The following KAZN variants were observed in gnomAD, a reference collection of about 807,000 sequenced individuals.
KAZN encodes the protein kazrin, periplakin interacting protein.
In KAZN, 40 loss-of-function variants were observed where a neutral mutation model predicts 87.4. That is an observed-to-expected ratio of 0.46 (90% CI 0.36 to 0.60). The LOEUF is 0.60. KAZN is among the 20% of genes least tolerant of loss of function. The pLI, the probability that KAZN is intolerant of heterozygous loss-of-function variation, is 0.00. For synonymous variants in KAZN, 466 were observed against 458.3 expected (o/e 1.02, Z -0.22); for missense variants, 898 against 1,073.9 (o/e 0.84, Z 2.29).
chr1:14,908,438 A>C (rs1572797343), intron 1 of KAZN, among the ~76,000 whole-genome samples: 1 of 152,184 alleles, frequency 6.6e-6, no homozygotes, highest in Admixed American at 6.5e-5. Context: ...GCTCCTCGGG[A>C]GGCTGAGGCA....
intron 2 of KAZN, among the ~76,000 whole-genome samples, chr1:14,526,464 T>C (rs1275603886): frequency 1.3e-5 from 2 of 152,104 alleles, no homozygotes; most frequent in African/African-American, 4.8e-5. Context: ...ATAAAACATT[T>C]CCCCATCCAT....
chr1:14,782,566 A>G (rs866960819), intron 1 of KAZN, among the ~76,000 whole-genome samples: 1 of 151,082 alleles, frequency 6.6e-6, no homozygotes, highest in African/African-American at 2.4e-5. Context: ...AAAAAAAAAA[A>G]AAAAAAAAAA....
intron 1 of KAZN, among the ~76,000 whole-genome samples, chr1:14,600,678 AAAAAAAAAAAGAC>A (rs1391227554): frequency 6.6e-6 from 1 of 151,272 alleles, no homozygotes; most frequent in Non-Finnish European, 1.5e-5. Flanking sequence ...AAAAAAAAAA[AAAAAAAAAAAGAC>A]AGACTGCAAG....
intron 2 of KAZN, among the ~76,000 whole-genome samples, chr1:14,494,941 C>T (rs1284600938): frequency 1.3e-5 from 2 of 152,070 alleles, no homozygotes; most frequent in African/African-American, 4.8e-5. Context: ...AGCTGACCCA[C>T]TAGAATGTGG....
At chr1:15,078,142 C>G (rs970883768) in intron 8 of KAZN, among the ~76,000 whole-genome samples, 1 of 152,044 alleles carries the variant, frequency 6.6e-6, no homozygotes, top group Admixed American at 6.6e-5. Flanking sequence ...GTGCTGGATG[C>G]GGTGGTTCAT....
At chr1:14,931,347 G>A (rs569494971) in intron 1 of KAZN, among the ~76,000 whole-genome samples, 28 of 152,266 alleles carry the variant, frequency 1.8e-4, no homozygotes, top group Admixed American at 1.8e-3. Flanking sequence ...GGAAGGCTGA[G>A]GAAGGAAAAT....
intron 1 of KAZN, among the ~76,000 whole-genome samples, chr1:13,976,750 G>A (rs1445134254): frequency 6.6e-6 from 1 of 151,914 alleles, no homozygotes; most frequent in African/African-American, 2.4e-5. Flanking sequence ...AGTGTGTATC[G>A]ATGCATCCAC....
chr1:14,515,589 T>C (rs1468667277), intron 2 of KAZN, among the ~76,000 whole-genome samples: 1 of 152,144 alleles, frequency 6.6e-6, no homozygotes, highest in Non-Finnish European at 1.5e-5. Context: ...CTCACTGAGC[T>C]CCAGGCCACT....
intron 1 of KAZN, among the ~76,000 whole-genome samples, chr1:14,736,490 T>TA (rs1491267683): frequency 8.5e-6 from 1 of 117,840 alleles, no homozygotes; most frequent in Non-Finnish European, 1.8e-5. Context: ...TTTTTTTTTT[T>TA]AGTAGAGACA....
chr1:14,639,499 A>T (rs1428845072), intron 1 of KAZN, among the ~76,000 whole-genome samples: 2 of 152,202 alleles, frequency 1.3e-5, no homozygotes, highest in Admixed American at 6.5e-5. Flanking sequence ...GACCATGGCC[A>T]TAGACCTGTT....
chr1:14,327,485 G>A (rs985679073), intron 2 of KAZN, among the ~76,000 whole-genome samples: 1 of 152,162 alleles, frequency 6.6e-6, no homozygotes, highest in Non-Finnish European at 1.5e-5. Flanking sequence ...TCCCTCGTCT[G>A]TTCTCCCTTG....
chr1:14,344,914 CTTCT>C (rs1425843792), intron 2 of KAZN, among the ~76,000 whole-genome samples: 1 of 149,888 alleles, frequency 6.7e-6, no homozygotes, highest in African/African-American at 2.5e-5. Flanking sequence ...GCCATCCCCT[CTTCT>C]TTTTTTTTTT....
chr1:14,137,735 T>C (rs1361047503), intron 1 of KAZN, among the ~76,000 whole-genome samples: 2 of 139,340 alleles, frequency 1.4e-5, no homozygotes, highest in Non-Finnish European at 3.1e-5. Context: ...TGAGACAGAG[T>C]TTTGCTCTTG....
rs1676766004 is a variant in KAZN at position 14,599,371 on chromosome 1, G to A, written c.226+148G>A. 38 of 850,160 alleles carry A rather than the reference G, an allele frequency of 4.5e-5. No individual in the cohort carries two copies. Among genetic ancestry groups the A allele is most frequent in the Non-Finnish European group, 5.7e-5 (37 of 643,794 alleles). The allele number at this position is 850,160 out of a possible 1,614,324, so 52.7% of individuals were successfully genotyped here. On this transcript the variant is annotated intron_variant, in intron 1 of 14. Transcript: ENST00000376030. This position sits in a 1 kb window ranked among gnomAD's most constrained non-coding sequence, Gnocchi z 4.4. The stretch of plus-strand genomic sequence containing the variant: ...CCCTTTCCGCCCGGCGGTGGCCACC[G>A]CTGCTCTCCGGCTGGGAGTTGCAGG...
At chr1:14,212,036 T>C (rs1646863698) in intron 2 of KAZN, among the ~76,000 whole-genome samples, 1 of 152,154 alleles carries the variant, frequency 6.6e-6, no homozygotes, top group Non-Finnish European at 1.5e-5. Context: ...TTTTCTCTTG[T>C]GTGTGAGGGC....
intron 8 of KAZN, among the ~76,000 whole-genome samples, chr1:15,091,580 G>A (rs1640535449): frequency 1.3e-5 from 2 of 152,192 alleles, no homozygotes; most frequent in Admixed American, 1.3e-4. Flanking sequence ...TCGATCTTCT[G>A]ACCTCGTGAT....
chr1:13,943,936 T>C (rs960894121), intron 1 of KAZN, among the ~76,000 whole-genome samples: 2 of 152,232 alleles, frequency 1.3e-5, no homozygotes, highest in African/African-American at 4.8e-5. Context: ...CTGGTCAGAA[T>C]GTAAAATGGT....
chr1:14,725,030 G>C (rs1210970963), intron 1 of KAZN, among the ~76,000 whole-genome samples: 5 of 152,204 alleles, frequency 3.3e-5, no homozygotes. Flanking sequence ...GTGAAAAATC[G>C]GTGTAAACAG....
intron 2 of KAZN, among the ~76,000 whole-genome samples, chr1:14,550,588 C>G (rs1194077941): frequency 6.6e-6 from 1 of 151,988 alleles, no homozygotes; most frequent in Admixed American, 6.6e-5. Flanking sequence ...TTTACTCTTC[C>G]TGCTCAAAGG....
Sources: allele counts gnomAD v4.1 joint callset (sites outside exome capture counted in the v4.1 genomes callset), GRCh38; gene constraint gnomAD v4.1.1; non-coding constraint Gnocchi (gnomAD v3.1); transcripts MANE v1.5; gene names NCBI Gene and HGNC (gene_info 2026-07-23, HGNC 2026-07-21).